SLC35F3: variants seen among roughly 807,000 people sequenced by gnomAD.
SLC35F3 encodes solute carrier family 35 member F3, also known as putative thiamine transporter SLC35F3.
A neutral mutation model predicts 49.9 loss-of-function variants in SLC35F3; 25 were observed. The observed-to-expected ratio is 0.50, with a 90% CI of 0.37 to 0.70. SLC35F3 has a LOEUF of 0.70. Among genes scored for constraint, SLC35F3 ranks in the 30% least tolerant of loss-of-function variants. The pLI, the probability that SLC35F3 is intolerant of heterozygous loss-of-function variation, is 0.00. For synonymous variants in SLC35F3, 275 were observed against 265.4 expected, an observed-to-expected ratio of 1.04 and a Z score of -0.35; for missense variants, 525 against 639.8, an observed-to-expected ratio of 0.82 and a Z score of 1.94.
intron 2 of SLC35F3, among the ~76,000 whole-genome samples, chr1:234,186,612 G>A (rs1666646750): frequency 6.6e-6 from 1 of 152,184 alleles, no homozygotes; most frequent in South Asian, 2.1e-4. Flanking sequence ...TGGAGAGGGA[G>A]CACATGCCAT....
In SLC35F3 at chr1:234,263,309, AAG is replaced by A. The variant is rs1405291157; in HGVS notation, c.608+31573_608+31574del. 2.6e-5 allele frequency among the ~76,000 whole-genome samples: 4 copies of A among 152,320 alleles called. No homozygotes were observed. The East Asian group carries it at 5.8e-4, about 22-fold the overall frequency. ...GAATTTTAAAAGAACAAAAATTTTA[AAG>A]AGAGCTAAAAGAATGTTAAAGGAGT... On this transcript the variant is annotated intron_variant, in intron 3 of 7. Coordinates refer to ENST00000366618, the MANE Select transcript of SLC35F3 (RefSeq NM_173508.4).
rs1177364904 is a variant in SLC35F3 at position 234,046,788 on chromosome 1, T to C, written c.283+141030T>C. 6.6e-6 allele frequency among the ~76,000 whole-genome samples: 1 copy of C among 152,234 alleles called. No individual in the cohort carries two copies. Among genetic ancestry groups the C allele is most frequent in the Non-Finnish European group, 1.5e-5 (1 of 68,020 alleles). ...AATGATAATAGACCTCTAATGCTAA[T>C]ATGAAGTACATCTCTAATTCTAGTT... On this transcript the variant is annotated intron_variant, in intron 2 of 7. Coordinates refer to ENST00000366618, the MANE Select transcript of SLC35F3 (RefSeq NM_173508.4). The surrounding 1 kb of genome is among the most constrained non-coding windows in gnomAD (Gnocchi z 4.4).
rs375691624 is a variant in SLC35F3 at position 234,323,288 on chromosome 1, C to A, written c.*45C>A. ...GGTGGTAATGACTGGGAGGTCTATT[C>A]CTGCCGGGAGGAACCTCAGTTGGGT... is the stretch of plus-strand genomic sequence containing the variant. On this transcript the variant is annotated 3_prime_UTR_variant, in exon 8 of 8. Transcript: ENST00000366618. The surrounding 1 kb of genome is among the most constrained non-coding windows in gnomAD (Gnocchi z 4.5). 1.3e-6 allele frequency: 2 copies of A among 1,557,366 alleles called. No homozygotes were observed. Among genetic ancestry groups the A allele is most frequent in the African/African-American group, 2.7e-5 (2 of 73,364 alleles).
rs1240881463 is a variant in SLC35F3, at chr1:234,231,301, G to A, written c.284-116G>A. The A allele has an allele frequency of 2.3e-6, 2 of 875,284 alleles. No individual in the cohort carries two copies. Among genetic ancestry groups the A allele is most frequent in the Non-Finnish European group, 3.4e-6 (2 of 592,724 alleles). The allele number at this position is 875,284 out of a possible 1,614,324, so 54.2% of individuals were successfully genotyped here. Reference sequence around the variant, plus strand: ...CGCCCTGGAAGCCGCCCCTGCACCCGCTATCTCCCCGGGCCCCCAGGTAGC... The same window carrying A: ...CGCCCTGGAAGCCGCCCCTGCACCCACTATCTCCCCGGGCCCCCAGGTAGC... On this transcript the variant is annotated intron_variant, in intron 2 of 7. Coordinates refer to ENST00000366618, the MANE Select transcript of SLC35F3 (RefSeq NM_173508.4). This position sits in a 1 kb window ranked among gnomAD's most constrained non-coding sequence, Gnocchi z 5.4.
chr1:233,905,025 G>C lies in SLC35F3; in HGVS notation c.-53G>C. 6.5e-7 allele frequency: 1 copy of C among 1,535,774 alleles called. No homozygotes were observed. The highest frequency in any genetic ancestry group is 8.8e-7 in the Non-Finnish European group (1 of 1,136,216). ...TAGCGGCTGCAGGGAGCTCCGGCCCGCGGCCCCTCCGCCTCAAGTCTGGGA... is the reference window on the plus strand; with the variant it reads ...TAGCGGCTGCAGGGAGCTCCGGCCCCCGGCCCCTCCGCCTCAAGTCTGGGA... On this transcript the variant is annotated 5_prime_UTR_variant, in exon 1 of 8. Transcript: ENST00000366618.
chr1:233,938,470 A>G (rs1662368319), intron 2 of SLC35F3, among the ~76,000 whole-genome samples: 1 of 152,210 alleles, frequency 6.6e-6, no homozygotes, highest in African/African-American at 2.4e-5. Flanking sequence ...CGTTGTACAC[A>G]GTGGAAATTT....
intron 2 of SLC35F3, among the ~76,000 whole-genome samples, chr1:234,080,291 C>T (rs1236107838): frequency 1.3e-5 from 2 of 152,078 alleles, no homozygotes; most frequent in Non-Finnish European, 2.9e-5. Flanking sequence ...AAGCTCCATG[C>T]CCTTTTATTA....
intron 3 of SLC35F3, among the ~76,000 whole-genome samples, chr1:234,268,011 T>C (rs969653241): frequency 6.3e-5 from 9 of 143,824 alleles, no homozygotes; most frequent in Non-Finnish European, 1.1e-4. Context: ...TCCCAGACGA[T>C]GGGCGGCCAA....
chr1:234,290,825 C>A (rs1021926306), intron 3 of SLC35F3, among the ~76,000 whole-genome samples: 1 of 152,182 alleles, frequency 6.6e-6, no homozygotes, highest in East Asian at 1.9e-4. Flanking sequence ...ATTAAAGAAC[C>A]TGAGGGTTCT....
intron 5 of SLC35F3, among the ~76,000 whole-genome samples, chr1:234,318,303 G>A (rs1487339096): frequency 6.6e-6 from 1 of 152,226 alleles, no homozygotes; most frequent in African/African-American, 2.4e-5. Flanking sequence ...GTGGGATGGA[G>A]CAGAGATGAG....
chr1:233,999,369 C>CCATTCAGCAT (rs58802264), intron 2 of SLC35F3, among the ~76,000 whole-genome samples: 9,998 of 152,100 alleles, frequency 0.066, 566 homozygotes, highest in East Asian at 0.25. Flanking sequence ...CCATTCAGCA[C>CCATTCAGCAT]GTCACAAGAA....
chr1:234,231,357 C>T lies in SLC35F3; in HGVS notation c.284-60C>T. 2.9e-6 allele frequency: 4 copies of T among 1,364,292 alleles called. No homozygotes were observed. The highest frequency in any genetic ancestry group is 3.9e-6 in the Non-Finnish European group (4 of 1,028,372). The allele number at this position is 1,364,292 out of a possible 1,614,324, so 84.5% of individuals were successfully genotyped here. ...GTGACAATGGCTGCAGGGCAGCGCC[C>T]TGCGAAGTGCAGGGGTGAAGGTCTG... On this transcript the variant is annotated intron_variant, in intron 2 of 7. Transcript: ENST00000366618. This position sits in a 1 kb window ranked among gnomAD's most constrained non-coding sequence, Gnocchi z 5.4.
chr1:234,075,320 C>T (rs1235610982), intron 2 of SLC35F3, among the ~76,000 whole-genome samples: 1 of 152,202 alleles, frequency 6.6e-6, no homozygotes, highest in Non-Finnish European at 1.5e-5. Flanking sequence ...CACATGCATG[C>T]CAAGCCCTTC....
intron 2 of SLC35F3, among the ~76,000 whole-genome samples, chr1:234,108,735 ATCTT>A (rs1339624153): frequency 6.9e-5 from 6 of 87,088 alleles, no homozygotes; most frequent in South Asian, 4.3e-4. Flanking sequence ...AAATATATAT[ATCTT>A]TTATATATAA....
intron 2 of SLC35F3, among the ~76,000 whole-genome samples, chr1:234,134,823 G>A (rs915117921): frequency 2.0e-5 from 3 of 152,096 alleles, no homozygotes; most frequent in Admixed American, 6.5e-5. Flanking sequence ...ACAGGTTCAC[G>A]CCATTCTCCT....
chr1:234,116,438 T>G (rs1665487533), intron 2 of SLC35F3, among the ~76,000 whole-genome samples: 1 of 152,154 alleles, frequency 6.6e-6, no homozygotes, highest in Admixed American at 6.5e-5. Context: ...ATTATTTATT[T>G]TGGTGCTCAC....
At position 234,178,299 on chromosome 1, in the gene SLC35F3, T is replaced by C. The variant is rs570268831; in HGVS notation, c.284-53118T>C. Among the ~76,000 whole-genome samples the C allele has an allele frequency of 4.6e-5, 7 of 152,142 alleles. No homozygotes were observed. In the East Asian group the frequency reaches 1.4e-3, roughly 29 times the overall value. ...CCCATGCCCCTTGCCACCGAACTCA[T>C]CCCTCCAATGCTTTCAGTCAATTGG... On this transcript the variant is annotated intron_variant, in intron 2 of 7. Coordinates refer to ENST00000366618, the MANE Select transcript of SLC35F3 (RefSeq NM_173508.4).
rs114036140 is a variant in SLC35F3 at position 233,957,772 on chromosome 1, A to C, written c.283+52014A>C. Among the ~76,000 whole-genome samples the C allele has an allele frequency of 6.6e-6, 1 of 152,276 alleles. No individual in the cohort carries two copies. The highest frequency in any genetic ancestry group is 2.4e-5 in the African/African-American group (1 of 41,566). On this transcript the variant is annotated intron_variant, in intron 2 of 7. Transcript: ENST00000366618. The surrounding 1 kb of genome is among the most constrained non-coding windows in gnomAD (Gnocchi z 4.0). ...TGAGGTTGCATTGAGCCGAGACTGC[A>C]TGATTGCACTCCACCTAGGGCGACA...
chr1:234,281,005 T>G (rs572881240), intron 3 of SLC35F3, among the ~76,000 whole-genome samples: 2 of 152,236 alleles, frequency 1.3e-5, no homozygotes, highest in African/African-American at 2.4e-5. Context: ...CATGCCTTCC[T>G]AAAGGCGGGA....
Sources: gnomAD v4.1 joint callset for allele counts (sites outside exome capture counted in the v4.1 genomes callset) on GRCh38, gnomAD v4.1.1 for gene constraint, Gnocchi (gnomAD v3.1) non-coding constraint, MANE v1.5 for transcripts, NCBI Gene and HGNC (gene_info 2026-07-23, HGNC 2026-07-21) for gene names.